DENND1A: variants seen among roughly 807,000 people sequenced by gnomAD.
DENND1A encodes DENN domain-containing protein 1A.
DENND1A carries 51 observed loss-of-function variants against 113.7 expected under a neutral mutation model. The observed-to-expected ratio is 0.45, with a 90% CI of 0.36 to 0.57. DENND1A has a LOEUF of 0.57. Among genes scored for constraint, DENND1A ranks in the 20% least tolerant of loss-of-function variants. The probability of loss-of-function intolerance (pLI) is 0.00; values close to 1 mark genes in which losing one functional copy is unlikely to be tolerated. For missense variants in DENND1A, 1,258 were observed against 1,395.9 expected (o/e 0.90, Z 1.57); for synonymous variants, 565 against 570.8 (o/e 0.99, Z 0.14).
At chr9:123,888,175 A>AT (rs943650730) in intron 1 of DENND1A, among the ~76,000 whole-genome samples, 4 of 152,100 alleles carry the variant, frequency 2.6e-5, no homozygotes, top group Non-Finnish European at 2.9e-5. Context: ...AACTTGGAAC[A>AT]TTTTTTGTGC....
chr9:123,876,438 A>T (rs1847475061), intron 2 of DENND1A, among the ~76,000 whole-genome samples: 2 of 152,170 alleles, frequency 1.3e-5, no homozygotes, highest in Non-Finnish European at 2.9e-5. Flanking sequence ...GGTATATAAG[A>T]ATATGTCTTT....
intron 12 of DENND1A, among the ~76,000 whole-genome samples, chr9:123,579,387 G>T (rs1438053260): frequency 6.6e-6 from 1 of 152,134 alleles, no homozygotes; most frequent in Admixed American, 6.5e-5. Context: ...AGTTATAGGA[G>T]AATTTTTTTG....
intron 11 of DENND1A, among the ~76,000 whole-genome samples, chr9:123,608,918 T>C (rs973635355): frequency 1.3e-5 from 2 of 152,076 alleles, no homozygotes; most frequent in African/African-American, 4.8e-5. Context: ...AGACACAAAA[T>C]TATAAAGTAT....
chr9:123,411,457 T>A (rs1299194336), intron 20 of DENND1A: 1 of 152,194 alleles, frequency 6.6e-6, no homozygotes, highest in Non-Finnish European at 1.5e-5. Context: ...GGAACAGGCG[T>A]CTGGAGGAAG....
At chr9:123,911,575 C>G (rs1172079162) in intron 1 of DENND1A, among the ~76,000 whole-genome samples, 1 of 152,102 alleles carries the variant, frequency 6.6e-6, no homozygotes, top group Non-Finnish European at 1.5e-5. Flanking sequence ...TGAATTCTAC[C>G]AACACAATGT....
chr9:123,806,248 A>G (rs1835541528), intron 2 of DENND1A, among the ~76,000 whole-genome samples: 1 of 148,062 alleles, frequency 6.8e-6, no homozygotes, highest in African/African-American at 2.5e-5. Context: ...TGCCCGGCCA[A>G]CATACTGTTT....
At chr9:123,683,468 A>G (rs2064602155) in intron 5 of DENND1A, among the ~76,000 whole-genome samples, 1 of 152,184 alleles carries the variant, frequency 6.6e-6, no homozygotes, top group Non-Finnish European at 1.5e-5. Context: ...TCTCCCCACA[A>G]TACTTGATGC....
intron 5 of DENND1A, among the ~76,000 whole-genome samples, chr9:123,729,958 A>G (rs1374499566): frequency 6.6e-6 from 1 of 152,184 alleles, no homozygotes; most frequent in Admixed American, 6.5e-5. Context: ...CATGCCACAC[A>G]TCTACAACCA....
intron 1 of DENND1A, among the ~76,000 whole-genome samples, chr9:123,925,681 ATCT>A (rs1233132510): frequency 6.6e-6 from 1 of 152,190 alleles, no homozygotes; most frequent in Non-Finnish European, 1.5e-5. Flanking sequence ...TATGTGCTTA[ATCT>A]TCTTAGTTCT....
chr9:123,470,666 G>A (rs2049335411), intron 13 of DENND1A, among the ~76,000 whole-genome samples: 2 of 152,166 alleles, frequency 1.3e-5, no homozygotes, highest in Admixed American at 1.3e-4. Flanking sequence ...TAAAACAGAA[G>A]AGGCACAAAT....
chr9:123,800,833 TATCTC>T (rs769362026), intron 2 of DENND1A, among the ~76,000 whole-genome samples: 49 of 152,326 alleles, frequency 3.2e-4, no homozygotes, highest in Non-Finnish European at 6.8e-4. Flanking sequence ...GAGTTATCCT[TATCTC>T]ATCTATGAAA....
intron 5 of DENND1A, among the ~76,000 whole-genome samples, chr9:123,750,816 C>A (rs79419698): frequency 1.2e-3 from 178 of 152,296 alleles, no homozygotes; most frequent in African/African-American, 4.2e-3. Flanking sequence ...GCCCAACTGC[C>A]CTCAAACATC....
At position 123,381,617 on chromosome 9, in the gene DENND1A, G is replaced by T. The variant is rs1190637786; in HGVS notation, c.3028C>A (p.Leu1010Ile). 1 of 1,612,676 alleles carries T rather than the reference G, an allele frequency of 6.2e-7. No individual in the cohort carries two copies. Among genetic ancestry groups the T allele is most frequent in the Admixed American group, 1.7e-5 (1 of 59,956 alleles). The change falls in exon 24 of 24, where the codon CTT (leucine) becomes ATT (isoleucine). Residue 1010 changes from leucine (L) to isoleucine (I), a missense_variant. Leu to Ile is a conservative substitution (Grantham distance 5, BLOSUM62 2). Coordinates refer to ENST00000394215, the MANE Select transcript of DENND1A (RefSeq NM_001352964.2). This position sits in a 1 kb window ranked among gnomAD's most constrained non-coding sequence, Gnocchi z 4.7. ...GLALRPGDPP[L>I]LPPRPPQGLE... The stretch of plus-strand genomic sequence containing the variant: ...CCTTGAGGGGGCCTGGGAGGCAGAA[G>T]CGGGGGGTCTCCAGGCCTCAGGGCC...
At chr9:123,732,337 T>C (rs1003824974) in intron 5 of DENND1A, among the ~76,000 whole-genome samples, 73 of 152,218 alleles carry the variant, frequency 4.8e-4, no homozygotes, top group African/African-American at 1.6e-3. Context: ...CATTCTACAG[T>C]GGAATACCTA....
chr9:123,828,122 A>G (rs910822291), intron 2 of DENND1A, among the ~76,000 whole-genome samples: 2 of 152,152 alleles, frequency 1.3e-5, no homozygotes, highest in African/African-American at 4.8e-5. Context: ...ACTTTGCTCA[A>G]TATGAGAAAG....
chr9:123,769,378 T>C lies in DENND1A; in HGVS notation c.182+136A>G, dbSNP rs991892442. 1.5e-5 allele frequency: 11 copies of C among 731,678 alleles called. No homozygotes were observed. The East Asian group carries it at 1.7e-4, about 11-fold the overall frequency. The allele number at this position is 731,678 out of a possible 1,614,324, so 45.3% of individuals were successfully genotyped here. A position where few individuals can be genotyped will look rare whatever the true frequency, so the allele number is the denominator to read the frequency against. The stretch of plus-strand genomic sequence containing the variant: ...ATAAAAACCCCAGGAAGGGAGAATA[T>C]TGCAACTCTCCTTGGAACACAGGTA... On this transcript the variant is annotated intron_variant, in intron 4 of 23. Coordinates refer to ENST00000394215, the MANE Select transcript of DENND1A (RefSeq NM_001352964.2).
chr9:123,413,743 G>A (rs1052170949), intron 19 of DENND1A: 12 of 985,406 alleles, frequency 1.2e-5, no homozygotes, highest in Non-Finnish European at 1.4e-5. Flanking sequence ...CCCGGGAGTT[G>A]GGGGTGCTGC....
intron 18 of DENND1A, among the ~76,000 whole-genome samples, chr9:123,446,028 G>T (rs998747402): frequency 2.0e-5 from 3 of 152,176 alleles, no homozygotes; most frequent in African/African-American, 7.2e-5. Context: ...GGTTCAGTGA[G>T]GTCTTGTAAC....
intron 13 of DENND1A, among the ~76,000 whole-genome samples, chr9:123,510,395 C>A (rs750983375): frequency 2.2e-4 from 33 of 152,226 alleles, no homozygotes; most frequent in Non-Finnish European, 3.7e-4. Flanking sequence ...GGACACATCC[C>A]CAACTGTGTC....
Sources: gnomAD v4.1 joint callset for allele counts (sites outside exome capture counted in the v4.1 genomes callset) on GRCh38, gnomAD v4.1.1 for gene constraint, Gnocchi (gnomAD v3.1) non-coding constraint, MANE v1.5 for transcripts, NCBI Gene and HGNC (gene_info 2026-07-23, HGNC 2026-07-21) for gene names.